The following GFRA1 variants were observed in gnomAD, a reference collection of about 807,000 sequenced individuals.
GFRA1 encodes GDNF family receptor alpha-1.
GFRA1 carries 16 observed loss-of-function variants against 51.6 expected under a neutral mutation model. The ratio of observed to expected loss-of-function variants is 0.31; its 90% CI spans 0.21 to 0.47. The LOEUF (loss-of-function observed/expected upper bound fraction) is 0.47, where lower values mean the gene tolerates loss of function less well. Among genes scored for constraint, GFRA1 ranks in the 20% least tolerant of loss-of-function variants. The pLI is 1.00. For missense variants in GFRA1, 530 were observed against 594.3 expected (o/e 0.89, Z 1.13); for synonymous variants, 270 against 241.3 (o/e 1.12, Z -1.10).
chr10:116,206,557 T>C (rs2577382), intron 5 of GFRA1, among the ~76,000 whole-genome samples: 91,993 of 150,878 alleles, frequency 0.61, 29,576 homozygotes, highest in African/African-American at 0.83. Flanking sequence ...TATTTATCCA[T>C]ATGGGAAAGA....
Position 116,270,887 on chromosome 10 carries a change from T to C in GFRA1, c.269A>G (p.Lys90Arg). The C allele has an allele frequency of 6.2e-7, 1 of 1,614,098 alleles. No individual in the cohort carries two copies. Among genetic ancestry groups the C allele is most frequent in the South Asian group, 1.1e-5 (1 of 91,084 alleles). Residue 90 changes from lysine (K) to arginine (R), a missense_variant, in exon 3 of 11, where the codon AAG becomes AGG. By Grantham distance (26) the Lys-to-Arg change is conservative. Transcript: ENST00000355422. ...KQKSLYNCRC[K>R]RGMKKEKNCL... The stretch of plus-strand genomic sequence containing the variant: ...GTTCTTCTCCTTCTTCATACCCCGC[T>C]TGCAGCGGCAGTTGTAGAGCGACTT...
intron 5 of GFRA1, among the ~76,000 whole-genome samples, chr10:116,149,384 C>T (rs1589826134): frequency 6.6e-6 from 1 of 152,182 alleles, no homozygotes; most frequent in African/African-American, 2.4e-5. Context: ...AACACAAAAG[C>T]TCACATTAAT....
At chr10:116,243,617 A>C (rs1967597750) in intron 4 of GFRA1, among the ~76,000 whole-genome samples, 1 of 151,976 alleles carries the variant, frequency 6.6e-6, no homozygotes, top group African/African-American at 2.4e-5. Flanking sequence ...TAAGGCAATA[A>C]TTTTCAACCT....
intron 4 of GFRA1, among the ~76,000 whole-genome samples, chr10:116,240,905 T>C (rs1967307276): frequency 6.6e-6 from 1 of 152,200 alleles, no homozygotes; most frequent in South Asian, 2.1e-4. Context: ...AACAGGTAGC[T>C]GTAGTTATGA....
At chr10:116,151,902 T>C (rs1959078401) in intron 5 of GFRA1, among the ~76,000 whole-genome samples, 2 of 150,372 alleles carry the variant, frequency 1.3e-5, no homozygotes, top group South Asian at 2.1e-4. Flanking sequence ...AAATGAGGAG[T>C]TGACTCTTCT....
chr10:116,204,688 C>T (rs909662489), intron 5 of GFRA1, among the ~76,000 whole-genome samples: 3 of 152,018 alleles, frequency 2.0e-5, no homozygotes, highest in Non-Finnish European at 4.4e-5. Flanking sequence ...ACAATTTGAG[C>T]AACAAAATAA....
chr10:116,139,695 G>A (rs1464401217), intron 5 of GFRA1, among the ~76,000 whole-genome samples: 3 of 152,188 alleles, frequency 2.0e-5, no homozygotes, highest in African/African-American at 7.2e-5. Context: ...TTTGGCTAGG[G>A]CATTCAGGGA....
At chr10:116,118,218 G>A (rs1289166451) in intron 6 of GFRA1, among the ~76,000 whole-genome samples, 1 of 152,160 alleles carries the variant, frequency 6.6e-6, no homozygotes. Flanking sequence ...TTCCTGTCCT[G>A]TTCTTGTGGG....
chr10:116,253,305 C>T (rs1968542593), intron 4 of GFRA1, among the ~76,000 whole-genome samples: 1 of 152,186 alleles, frequency 6.6e-6, no homozygotes, highest in African/African-American at 2.4e-5. Context: ...AGGGCAGGCA[C>T]CGGACAGAAA....
intron 4 of GFRA1, among the ~76,000 whole-genome samples, chr10:116,244,425 AT>A (rs1565676150): frequency 6.8e-6 from 1 of 146,874 alleles, no homozygotes; most frequent in African/African-American, 2.5e-5. Context: ...ATTTTATTTC[AT>A]TTAATGTTAA....
chr10:116,227,054 G>T (rs915053395), intron 4 of GFRA1, among the ~76,000 whole-genome samples: 11 of 152,146 alleles, frequency 7.2e-5, no homozygotes, highest in Non-Finnish European at 1.6e-4. Flanking sequence ...CTACTGTCCA[G>T]GGTTGGGAAC....
At chr10:116,099,259 T>G (rs1489152054) in intron 6 of GFRA1, among the ~76,000 whole-genome samples, 1 of 152,212 alleles carries the variant, frequency 6.6e-6, no homozygotes, top group Non-Finnish European at 1.5e-5. Context: ...GTGGCCATGG[T>G]GGAGGGATTT....
Position 116,161,541 on chromosome 10 carries a change from A to T in GFRA1, c.434-35984T>A, listed in dbSNP as rs2420243. Among the ~76,000 whole-genome samples the T allele has an allele frequency of 6.7e-3, 1,015 of 152,334 alleles. 13 individuals carry two copies. Among genetic ancestry groups the T allele is most frequent in the Non-Finnish European group, 0.011 (751 of 68,026 alleles). On this transcript the variant is annotated intron_variant, in intron 5 of 10. Transcript: ENST00000355422. The stretch of plus-strand genomic sequence containing the variant: ...CCACCCAAATTTCACCTTGAATTGT[A>T]ATAACCCCCAAATGTCAAGGGTGGG...
intron 4 of GFRA1, among the ~76,000 whole-genome samples, chr10:116,249,214 T>C (rs1003699170): frequency 6.6e-6 from 1 of 152,150 alleles, no homozygotes; most frequent in Non-Finnish European, 1.5e-5. Context: ...ATAAGCTCCA[T>C]GGGGGAGGGG....
intron 5 of GFRA1, among the ~76,000 whole-genome samples, chr10:116,164,624 T>C (rs898906986): frequency 6.6e-6 from 1 of 152,242 alleles, no homozygotes; most frequent in Non-Finnish European, 1.5e-5. Context: ...GGTCTTTTAA[T>C]GCCAGATCCT....
intron 5 of GFRA1, among the ~76,000 whole-genome samples, chr10:116,133,128 GC>G (rs1174312550): frequency 6.6e-6 from 1 of 151,820 alleles, no homozygotes; most frequent in Non-Finnish European, 1.5e-5. Context: ...CAGAATGAAC[GC>G]TGTTTACTAG....
intron 6 of GFRA1, among the ~76,000 whole-genome samples, chr10:116,115,236 G>C (rs2133982028): frequency 6.6e-6 from 1 of 152,266 alleles, no homozygotes; most frequent in East Asian, 1.9e-4. Context: ...ATCCTCACTT[G>C]GGGTAATGCC....
chr10:116,138,609 G>A (rs1306222833), intron 5 of GFRA1, among the ~76,000 whole-genome samples: 3 of 151,834 alleles, frequency 2.0e-5, no homozygotes, highest in African/African-American at 7.3e-5. Flanking sequence ...TTCCAAGGTA[G>A]ATTAAAACAA....
chr10:116,206,826 G>A (rs1332965462), intron 5 of GFRA1, among the ~76,000 whole-genome samples: 1 of 151,544 alleles, frequency 6.6e-6, no homozygotes, highest in Non-Finnish European at 1.5e-5. Flanking sequence ...TAGAGACGGG[G>A]TTTCACCGTG....
Sources: allele counts gnomAD v4.1 joint callset (sites outside exome capture counted in the v4.1 genomes callset), GRCh38; gene constraint gnomAD v4.1.1; transcripts MANE v1.5; gene names NCBI Gene and HGNC (gene_info 2026-07-23, HGNC 2026-07-21).